CDC14A: variants seen among roughly 807,000 people sequenced by gnomAD.
The protein encoded by CDC14A is cell division cycle 14A, also known as dual specificity protein phosphatase CDC14A.
In CDC14A, 53 loss-of-function variants were observed where a neutral mutation model predicts 74.4. The observed-to-expected ratio is 0.71, with a 90% CI of 0.57 to 0.89. CDC14A has a LOEUF of 0.89. Ranked by LOEUF, CDC14A falls within the 40% of genes least tolerant of loss-of-function variation. The pLI is 0.00. For synonymous variants in CDC14A, 247 were observed against 258.4 expected (o/e 0.96, Z 0.43); for missense variants, 646 against 713.7 (o/e 0.91, Z 1.08).
At chr1:100,459,126 C>CAGAGAGAGAGAGAGAGAGAGAGAGAGAG (rs112078644) in intron 8 of CDC14A, among the ~76,000 whole-genome samples, 1 of 144,574 alleles carries the variant, frequency 6.9e-6, no homozygotes, top group African/African-American at 2.6e-5. Flanking sequence ...CACACACACA[C>CAGAGAGAGAGAGAGAGAGAGAGAGAGAG]AGAGAGAGAG....
intron 4 of CDC14A, among the ~76,000 whole-genome samples, chr1:100,419,816 A>G (rs1662036463): frequency 1.3e-5 from 2 of 151,996 alleles, no homozygotes; most frequent in African/African-American, 4.8e-5. Flanking sequence ...CAGTGGCAGC[A>G]CCTACCTGGG....
chr1:100,470,448 A>G (rs1237915926), intron 10 of CDC14A, among the ~76,000 whole-genome samples: 2 of 152,022 alleles, frequency 1.3e-5, no homozygotes, highest in African/African-American at 4.8e-5. Context: ...CAATGAAAAA[A>G]AAAGAAAGAA....
At chr1:100,500,940 A>G (rs1648651511) in intron 15 of CDC14A, among the ~76,000 whole-genome samples, 1 of 150,858 alleles carries the variant, frequency 6.6e-6, no homozygotes, top group East Asian at 2.0e-4. Flanking sequence ...TCCACTCTCA[A>G]CCCATTCCCT....
chr1:100,501,451 C>T (rs541030315), intron 15 of CDC14A, among the ~76,000 whole-genome samples: 11 of 152,284 alleles, frequency 7.2e-5, no homozygotes, highest in African/African-American at 2.6e-4. Context: ...TGCCTAGTGA[C>T]GTCGTAGCCC....
At chr1:100,455,377 C>T in intron 7 of CDC14A, 28 bp from the exon 8 acceptor site, 1 of 1,444,990 alleles carries the variant, frequency 6.9e-7, no homozygotes, top group Non-Finnish European at 9.6e-7. Context: ...AAATATTTTT[C>T]TTCTCTTTTC....
At chr1:100,418,534 G>A (rs1313903077) in intron 4 of CDC14A, among the ~76,000 whole-genome samples, 1 of 152,160 alleles carries the variant, frequency 6.6e-6, no homozygotes, top group African/African-American at 2.4e-5. Context: ...AGGGTTGGCA[G>A]TCTGGACTGG....
intron 2 of CDC14A, among the ~76,000 whole-genome samples, chr1:100,368,146 T>G (rs1364200920): frequency 1.3e-5 from 2 of 152,252 alleles, no homozygotes; most frequent in Non-Finnish European, 2.9e-5. Context: ...TGGTAATTTC[T>G]TTTATCTTTT....
chr1:100,393,264 T>A (rs1571048277), intron 4 of CDC14A: 1 of 1,399,252 alleles, frequency 7.1e-7, no homozygotes, highest in Non-Finnish European at 1.0e-6. Flanking sequence ...TTTCTGTGCA[T>A]GTTCAATCAT....
At position 100,499,040 on chromosome 1, in the gene CDC14A, C is replaced by T; in HGVS notation, c.1533C>T (p.Ser511=). The T allele has an allele frequency of 6.2e-7, 1 of 1,614,156 alleles. No individual in the cohort carries two copies. Residue 511 remains serine (S), a synonymous_variant, in exon 15 of 16, where the codon AGC becomes AGT. Coordinates refer to ENST00000336454, the MANE Select transcript of CDC14A (RefSeq NM_003672.4). ...SSSSKAGFTA[S]PFTNLLNGSS... ...CCTCTAAGGCAGGCTTCACAGCCAGCCCGTTTACCAACCTCTTGAATGGCA... is the reference window on the plus strand; with the variant it reads ...CCTCTAAGGCAGGCTTCACAGCCAGTCCGTTTACCAACCTCTTGAATGGCA...
upstream of CDC14A, chr1:100,351,634 C>T: frequency 1.1e-6 from 1 of 896,400 alleles, no homozygotes; most frequent in Non-Finnish European, 1.7e-6. Context: ...CCCTCCGCGC[C>T]CGCCCAGGCT....
chr1:100,518,405 A>C lies in CDC14A; in HGVS notation c.*125A>C. On this transcript the variant is annotated 3_prime_UTR_variant, in exon 16 of 16. Transcript: ENST00000336454. ...CTCTGCCTTCTTACCTTAAATTAAA[A>C]AGAGCACTAAGATAACACCTTCAAG... 1 of 749,896 alleles carries C rather than the reference A, an allele frequency of 1.3e-6. No homozygotes were observed. Among genetic ancestry groups the C allele is most frequent in the Non-Finnish European group, 2.3e-6 (1 of 428,422 alleles). The allele number at this position is 749,896 out of a possible 1,614,324, so 46.5% of individuals were successfully genotyped here.
chr1:100,372,838 A>G (rs1654673010), intron 2 of CDC14A, among the ~76,000 whole-genome samples: 1 of 151,992 alleles, frequency 6.6e-6, no homozygotes. Flanking sequence ...CAGCTTCCTC[A>G]CCTCTCTTAA....
chr1:100,467,519 A>G (rs1434305387), intron 9 of CDC14A, among the ~76,000 whole-genome samples: 2 of 152,052 alleles, frequency 1.3e-5, no homozygotes, highest in African/African-American at 4.8e-5. Context: ...AATGTCACTT[A>G]CCTATAACTT....
In CDC14A at chr1:100,519,449, C is replaced by T. The variant is rs1254626436; in HGVS notation, c.*1169C>T. The T allele has an allele frequency of 6.6e-6, 1 of 152,022 alleles. No homozygotes were observed. The highest frequency in any genetic ancestry group is 2.4e-5 in the African/African-American group (1 of 41,416). 9.4% of individuals were successfully genotyped at this position (152,022 alleles called of 1,614,324 possible). On this transcript the variant is annotated 3_prime_UTR_variant, in exon 16 of 16. Coordinates refer to ENST00000336454, the MANE Select transcript of CDC14A (RefSeq NM_003672.4). The stretch of plus-strand genomic sequence containing the variant: ...TGTAGGTTTCATTTCTATGAGGAAT[C>T]GAGGAGCGTTACATCCTGATATCCT...
intron 4 of CDC14A, among the ~76,000 whole-genome samples, chr1:100,415,609 G>A (rs563766492): frequency 6.6e-6 from 1 of 152,144 alleles, no homozygotes; most frequent in African/African-American, 2.4e-5. Context: ...CAGGAAGAAT[G>A]ACTTTATTTT....
intron 4 of CDC14A, among the ~76,000 whole-genome samples, chr1:100,394,270 C>A (rs369181505): frequency 2.6e-5 from 4 of 152,208 alleles, no homozygotes; most frequent in African/African-American, 9.6e-5. Flanking sequence ...TGTGTGCCAC[C>A]ACAGCCAGCT....
intron 2 of CDC14A, among the ~76,000 whole-genome samples, chr1:100,374,448 T>C (rs944801803): frequency 2.9e-4 from 44 of 152,260 alleles, no homozygotes; most frequent in African/African-American, 1.0e-3. Flanking sequence ...CCTGTTTCTC[T>C]ACATCCTCTC....
chr1:100,420,061 C>CAT (rs1377818349), intron 4 of CDC14A, among the ~76,000 whole-genome samples: 133 of 61,768 alleles, frequency 2.2e-3, no homozygotes, highest in South Asian at 0.014. Context: ...CACACACACA[C>CAT]ACATATATAT....
intron 5 of CDC14A, among the ~76,000 whole-genome samples, chr1:100,432,629 A>G (rs543517033): frequency 2.6e-5 from 4 of 152,344 alleles, no homozygotes; most frequent in Admixed American, 1.3e-4. Context: ...ATATAAAAGA[A>G]AAATGTAAGA....
Sources: allele counts gnomAD v4.1 joint callset (sites outside exome capture counted in the v4.1 genomes callset), GRCh38; gene constraint gnomAD v4.1.1; transcripts MANE v1.5; gene names NCBI Gene and HGNC (gene_info 2026-07-23, HGNC 2026-07-21).